Variants in EIF3A observed in about 807,000 individuals in gnomAD.
The protein encoded by EIF3A is eukaryotic translation initiation factor 3 subunit A, also known as EIF3, p180 subunit.
Under a neutral mutation model 186.6 loss-of-function variants are expected in EIF3A, and 21 were observed. The ratio of observed to expected loss-of-function variants is 0.11; its 90% CI spans 0.08 to 0.16. The LOEUF (loss-of-function observed/expected upper bound fraction) is 0.16. Among genes scored for constraint, EIF3A ranks in the 10% least tolerant of loss-of-function variants. The pLI is 1.00. For missense variants in EIF3A, 1,306 were observed against 1,796.3 expected (o/e 0.73, Z 4.93); for synonymous variants, 563 against 584.3 (o/e 0.96, Z 0.52).
At chr10:119,061,660 C>T (rs1177405275) in intron 7 of EIF3A, among the ~76,000 whole-genome samples, 3 of 152,068 alleles carry the variant, frequency 2.0e-5, no homozygotes, top group Non-Finnish European at 4.4e-5. Flanking sequence ...AAGGAAAATA[C>T]CAGTTTTACT....
At chr10:119,051,647 G>C (rs1848357942) in intron 14 of EIF3A, among the ~76,000 whole-genome samples, 2 of 152,150 alleles carry the variant, frequency 1.3e-5, no homozygotes, top group African/African-American at 4.8e-5. Context: ...CCACAATAAA[G>C]AATATTGCAA....
chr10:119,063,596 C>A (rs1423886127), intron 7 of EIF3A, among the ~76,000 whole-genome samples: 1 of 152,044 alleles, frequency 6.6e-6, no homozygotes, highest in Non-Finnish European at 1.5e-5. Context: ...AGTACTTATC[C>A]CTCTTTCTCT....
chr10:119,047,953 G>A (rs1428592091), intron 17 of EIF3A, among the ~76,000 whole-genome samples: 1 of 151,990 alleles, frequency 6.6e-6, no homozygotes, highest in Non-Finnish European at 1.5e-5. Context: ...ATACTTTAAG[G>A]GGCAAACAGG....
chr10:119,080,282 A>T lies in EIF3A; in HGVS notation c.49+346T>A, dbSNP rs926812293. ...GGGACGCGGGCCCTAAGCAGACCAA[A>T]GCCCCAGGGACCTGGAGAGCCAGAG... On this transcript the variant is annotated intron_variant, in intron 1 of 21. Transcript: ENST00000369144. 5.1e-6 allele frequency: 5 copies of T among 982,418 alleles called. No homozygotes were observed. The Admixed American group carries it at 3.1e-4, about 60-fold the overall frequency. The allele number at this position is 982,418 out of a possible 1,614,324, so 60.9% of individuals were successfully genotyped here.
chr10:119,078,333 T>TC (rs1208922269), intron 1 of EIF3A, among the ~76,000 whole-genome samples: 1 of 152,130 alleles, frequency 6.6e-6, no homozygotes, highest in Non-Finnish European at 1.5e-5. Context: ...CTATAATTTT[T>TC]CCCCCAAAAA....
rs1844038080 is a variant in EIF3A, at chr10:119,069,576, T to G, written c.820A>C (p.Asn274His). 1 of 1,596,776 alleles carries G rather than the reference T, an allele frequency of 6.3e-7. No homozygotes were observed. The highest frequency in any genetic ancestry group is 1.3e-5 in the African/African-American group (1 of 74,534). The stretch of plus-strand genomic sequence containing the variant: ...ACAGTTGAGACTTTGTTATAGTAAT[T>G]TGCCATCAACTGAGGTTTAGGTGGT... The part of the protein sequence containing the change: ...KKPPKPQLMA[N>H]YYNKVSTVFW... Residue 274 changes from asparagine to histidine, a missense_variant, in exon 6 of 22, where the codon AAT becomes CAT. Physicochemically the swap from Asn to His is moderately conservative, Grantham distance 68. Coordinates refer to ENST00000369144, the MANE Select transcript of EIF3A (RefSeq NM_003750.4).
chr10:119,069,891 CAA>C (rs915901875), intron 5 of EIF3A, among the ~76,000 whole-genome samples: 26 of 151,686 alleles, frequency 1.7e-4, no homozygotes, highest in African/African-American at 6.3e-4. Context: ...AGAGCAGACT[CAA>C]GAAAATATTT....
Position 119,037,218 on chromosome 10 carries a change from G to A in EIF3A, c.3820C>T (p.Arg1274Cys), listed in dbSNP as rs745913298. The stretch of plus-strand genomic sequence containing the variant: ...TCACGCCGGTCATCCCTCTCACGGC[G>A]ACGGTCATCCCTATCCCTATCGTCC... ...RRDDRDRDDR[R>C]RERDDRRDLR... is the part of the protein sequence containing the mutation. The change falls in exon 21 of 22, where the codon CGC becomes TGC. Residue 1274 changes from arginine to cysteine, a missense_variant. Transcript: ENST00000369144. 3.1e-6 allele frequency: 5 copies of A among 1,613,954 alleles called. No individual in the cohort carries two copies. Among genetic ancestry groups the A allele is most frequent in the African/African-American group, 1.3e-5 (1 of 74,984 alleles).
At chr10:119,076,734 C>A (rs1473259379) in intron 1 of EIF3A, among the ~76,000 whole-genome samples, 1 of 151,790 alleles carries the variant, frequency 6.6e-6, no homozygotes. Context: ...TCAGGAGTTC[C>A]AGATCAGCCT....
At chr10:119,053,646 G>T (rs1458790591) in intron 14 of EIF3A, among the ~76,000 whole-genome samples, 1 of 152,048 alleles carries the variant, frequency 6.6e-6, no homozygotes, top group Non-Finnish European at 1.5e-5. Flanking sequence ...CTTGAGCCCA[G>T]GGGGTAGATA....
chr10:119,057,450 C>CA (rs1486257426), intron 12 of EIF3A, among the ~76,000 whole-genome samples: 1 of 152,066 alleles, frequency 6.6e-6, no homozygotes, highest in Non-Finnish European at 1.5e-5. Context: ...AAATAGTGTA[C>CA]AAAATTACCT....
intron 17 of EIF3A, among the ~76,000 whole-genome samples, chr10:119,047,960 CAG>C (rs1848303274): frequency 6.6e-6 from 1 of 152,084 alleles, no homozygotes; most frequent in Non-Finnish European, 1.5e-5. Context: ...AAGGGGCAAA[CAG>C]GGCACCTCCC....
intron 2 of EIF3A, 22 bp downstream of exon 2, chr10:119,073,725 T>C (rs553034513): frequency 1.6e-5 from 25 of 1,576,378 alleles, no homozygotes; most frequent in South Asian, 1.3e-4. Flanking sequence ...GTTAAAAATA[T>C]ACAACCCAGT....
At position 119,036,131 on chromosome 10, in the gene EIF3A, T is replaced by C. The variant is rs1336176802; in HGVS notation, c.4057A>G (p.Lys1353Glu). 2 of 1,614,054 alleles carry C rather than the reference T, an allele frequency of 1.2e-6. No individual in the cohort carries two copies. Among genetic ancestry groups the C allele is most frequent in the Admixed American group, 1.7e-5 (1 of 60,010 alleles). The change falls in exon 22 of 22, where the codon AAG becomes GAG. Residue 1353 changes from lysine (K) to glutamate (E), a missense_variant. By Grantham distance (56) the Lys-to-Glu change is moderately conservative. Around this residue, in one of 8 missense-constraint regions of EIF3A, gnomAD observed 331 missense variants for 365.8 expected, o/e 0.90. Transcript: ENST00000369144. ...TCTTTCTCAGCTCTCCATGAGGCCT[T>C]CTCTTTTTCACCTTCTCTTTCTCGG... is the stretch of plus-strand genomic sequence containing the variant. ...RDREREGEKE[K>E]ASWRAEKDRE...
intron 17 of EIF3A, among the ~76,000 whole-genome samples, chr10:119,045,770 CCAGACTGGTCT>C (rs1419631836): frequency 6.6e-6 from 1 of 152,116 alleles, no homozygotes; most frequent in African/African-American, 2.4e-5. Flanking sequence ...CACTATGTTG[CCAGACTGGTCT>C]CAAGCTCCCA....
chr10:119,049,674 C>G (rs1848330141), intron 17 of EIF3A, 127 bp downstream of exon 17: 3 of 751,938 alleles, frequency 4.0e-6, no homozygotes, highest in South Asian at 1.8e-5. Flanking sequence ...ATCACTTGAA[C>G]CCGGGGGCTG....
intron 1 of EIF3A, among the ~76,000 whole-genome samples, chr10:119,079,882 T>C (rs939212804): frequency 2.6e-5 from 4 of 152,252 alleles, no homozygotes; most frequent in African/African-American, 9.6e-5. Context: ...CCTGTTTCGT[T>C]ATCTTTAAGA....
At chr10:119,072,223 A>AAG (rs1183522642) in intron 4 of EIF3A, among the ~76,000 whole-genome samples, 45 of 134,158 alleles carry the variant, frequency 3.4e-4, no homozygotes, top group African/African-American at 1.1e-3. Context: ...AAAAAAAAAA[A>AAG]GTAGAGAACT....
At chr10:119,062,830 C>T (rs1843911272) in intron 7 of EIF3A, among the ~76,000 whole-genome samples, 1 of 143,586 alleles carries the variant, frequency 7.0e-6, no homozygotes, top group Non-Finnish European at 1.5e-5. Context: ...TCACTGCAAC[C>T]TATGCCTCCC....
Sources: allele counts gnomAD v4.1 joint callset (sites outside exome capture counted in the v4.1 genomes callset), GRCh38; gene constraint gnomAD v4.1.1; regional missense constraint gnomAD v4.1.1; transcripts MANE v1.5; gene names NCBI Gene and HGNC (gene_info 2026-07-23, HGNC 2026-07-21).